Variants in MTCH2 observed in about 807,000 individuals in gnomAD.
The protein encoded by MTCH2 is mitochondrial carrier homolog 2.
MTCH2 carries 25 observed loss-of-function variants against 50.6 expected under a neutral mutation model. The observed-to-expected ratio is 0.49, with a 90% confidence interval of 0.36 to 0.69. MTCH2 has a LOEUF of 0.69. Among genes scored for constraint, MTCH2 ranks in the 30% least tolerant of loss-of-function variants. The pLI, the probability that MTCH2 is intolerant of heterozygous loss-of-function variation, is 0.00. For missense variants in MTCH2, 273 were observed against 384.4 expected (o/e 0.71, Z 2.42); for synonymous variants, 106 against 132.0 (o/e 0.80, Z 1.35).
the MTCH2 span, among the ~76,000 whole-genome samples, chr11:47,605,087 C>T: frequency 9.2e-5 from 14 of 152,108 alleles, no homozygotes; most frequent in Non-Finnish European, 2.1e-4. Flanking sequence ...CCTGCCACCA[C>T]GCCTGGCTAA....
chr11:47,630,671 A>T (rs2097302225), intron 7 of MTCH2, 57 bp from the exon 8 acceptor site: 2 of 1,491,286 alleles, frequency 1.3e-6, no homozygotes, highest in Non-Finnish European at 1.9e-6. Context: ...AGCTATAAAC[A>T]AAATAATTTC....
chr11:47,627,021 G>C, intron 10 of MTCH2, 59 bp downstream of exon 10: 1 of 1,342,262 alleles, frequency 7.5e-7, no homozygotes, highest in Non-Finnish European at 1.0e-6. Flanking sequence ...AGATTTAAAA[G>C]GAAAACAAAA....
intron 6 of MTCH2, 140 bp from the exon 7 acceptor site, chr11:47,631,227 G>C (rs2097302744): frequency 1.6e-6 from 1 of 619,436 alleles, no homozygotes; most frequent in Admixed American, 3.1e-5. Context: ...TGACCAATAT[G>C]ATGAAGCCCC....
At chr11:47,613,846 G>T (rs1024653613), downstream of MTCH2, among the ~76,000 whole-genome samples, 1 of 152,088 alleles carries the variant, frequency 6.6e-6, no homozygotes, top group Non-Finnish European at 1.5e-5. Context: ...ACAGCACTTT[G>T]GGAGGCCCAG....
the MTCH2 span, among the ~76,000 whole-genome samples, chr11:47,610,878 G>A: frequency 1.3e-5 from 2 of 152,150 alleles, no homozygotes; most frequent in African/African-American, 4.8e-5. Flanking sequence ...CACAATCGGA[G>A]CCGCTTCTTC....
At chr11:47,640,673 C>A (rs1447911743) in intron 1 of MTCH2, among the ~76,000 whole-genome samples, 2 of 152,102 alleles carry the variant, frequency 1.3e-5, no homozygotes, top group Non-Finnish European at 1.5e-5. Context: ...GTTTCAGGCT[C>A]CCAAAGTGTT....
chr11:47,634,279 T>G (rs2097306443), intron 5 of MTCH2, among the ~76,000 whole-genome samples: 1 of 152,032 alleles, frequency 6.6e-6, no homozygotes, highest in Non-Finnish European at 1.5e-5. Context: ...GAAGTCTCAC[T>G]ATGTTGCATA....
chr11:47,609,065 G>A, the MTCH2 span, among the ~76,000 whole-genome samples: 7 of 145,544 alleles, frequency 4.8e-5, no homozygotes, highest in South Asian at 4.5e-4. Context: ...CGGAAGTTGC[G>A]GTGACCTGAG....
intron 11 of MTCH2, among the ~76,000 whole-genome samples, chr11:47,623,478 T>C (rs2097295222): frequency 2.0e-5 from 3 of 151,406 alleles, no homozygotes; most frequent in Admixed American, 2.0e-4. Flanking sequence ...AGTAGATATA[T>C]ATGTTCCTAC....
At chr11:47,620,519 G>A (rs1458389581) in intron 12 of MTCH2, among the ~76,000 whole-genome samples, 1 of 151,776 alleles carries the variant, frequency 6.6e-6, no homozygotes, top group East Asian at 1.9e-4. Flanking sequence ...AGGACATGGT[G>A]GAAGCATGCC....
downstream of MTCH2, among the ~76,000 whole-genome samples, chr11:47,615,080 A>G (rs1271872040): frequency 9.1e-6 from 1 of 109,928 alleles, no homozygotes; most frequent in African/African-American, 3.6e-5. Flanking sequence ...GTTGACACCT[A>G]GGCTGGAGTG....
intron 3 of MTCH2, among the ~76,000 whole-genome samples, chr11:47,636,130 G>GA (rs963428316): frequency 3.8e-4 from 53 of 140,560 alleles, no homozygotes; most frequent in Admixed American, 5.0e-4. Flanking sequence ...TCCGTCTCAA[G>GA]AAAAAAAAAA....
chr11:47,621,061 A>AT (rs1443830374), intron 12 of MTCH2, among the ~76,000 whole-genome samples: 2 of 152,160 alleles, frequency 1.3e-5, no homozygotes, highest in Admixed American at 6.6e-5. Context: ...AGGAAAGGCC[A>AT]TTTTTTCCAT....
At chr11:47,610,767 T>G in the MTCH2 span, among the ~76,000 whole-genome samples, 4 of 151,938 alleles carry the variant, frequency 2.6e-5, no homozygotes, top group Non-Finnish European at 5.9e-5. Flanking sequence ...GCCTGAGGCT[T>G]AAAATGACCA....
chr11:47,609,124 CAAAAAA>C, the MTCH2 span, among the ~76,000 whole-genome samples: 67 of 89,910 alleles, frequency 7.5e-4, no homozygotes, highest in South Asian at 2.3e-3. Flanking sequence ...AACTCTGTCT[CAAAAAA>C]AAAAAAAAAA....
the MTCH2 span, among the ~76,000 whole-genome samples, chr11:47,607,388 C>G: frequency 1.3e-5 from 2 of 152,118 alleles, no homozygotes; most frequent in Non-Finnish European, 2.9e-5. Context: ...GCCCAGTGAA[C>G]CTTCCTTGGA....
At chr11:47,636,831 T>G (rs2097309064) in intron 3 of MTCH2, among the ~76,000 whole-genome samples, 1 of 152,132 alleles carries the variant, frequency 6.6e-6, no homozygotes, top group African/African-American at 2.4e-5. Flanking sequence ...GAGGGAGGAC[T>G]GCTTGAGCCC....
intron 5 of MTCH2, among the ~76,000 whole-genome samples, chr11:47,632,706 T>TC (rs2097304256): frequency 6.6e-6 from 1 of 151,500 alleles, no homozygotes. Flanking sequence ...TTTTTTCTTT[T>TC]CTTTTTTTTT....
the MTCH2 span, among the ~76,000 whole-genome samples, chr11:47,608,230 AG>A: frequency 6.6e-6 from 1 of 152,218 alleles, no homozygotes; most frequent in East Asian, 1.9e-4. Flanking sequence ...ACTAGGTGGT[AG>A]GAACATTTAT....
Sources: allele counts gnomAD v4.1 joint callset (sites outside exome capture counted in the v4.1 genomes callset), GRCh38; gene constraint gnomAD v4.1.1; transcripts MANE v1.5; gene names NCBI Gene and HGNC (gene_info 2026-07-23, HGNC 2026-07-21).